The following CTNNA3 variants were observed in gnomAD, a reference collection of about 807,000 sequenced individuals.
CTNNA3 encodes the protein catenin alpha-3.
CTNNA3 carries 76 observed loss-of-function variants against 95.7 expected under a neutral mutation model. The ratio of observed to expected loss-of-function variants is 0.79; its 90% CI spans 0.66 to 0.96. The LOEUF (loss-of-function observed/expected upper bound fraction) is 0.96. Among genes scored for constraint, CTNNA3 ranks in the 40% least tolerant of loss-of-function variants. The probability of loss-of-function intolerance (pLI) is 0.00; values close to 1 mark genes in which losing one functional copy is unlikely to be tolerated. For missense variants in CTNNA3, 1,191 were observed against 1,089.8 expected (o/e 1.09, Z -1.31); for synonymous variants, 431 against 374.4 (o/e 1.15, Z -1.74).
At chr10:67,690,212 G>A (rs2133585874) in intron 1 of CTNNA3, among the ~76,000 whole-genome samples, 1 of 152,298 alleles carries the variant, frequency 6.6e-6, no homozygotes, top group South Asian at 2.1e-4. Context: ...CACGTCTGGA[G>A]TTGTTTGTTC....
chr10:67,569,531 GTC>G (rs1442379212), intron 3 of CTNNA3, among the ~76,000 whole-genome samples: 1 of 152,164 alleles, frequency 6.6e-6, no homozygotes, highest in Admixed American at 6.6e-5. Context: ...CTGGTAAAGA[GTC>G]TGAAATCAGA....
chr10:65,925,626 G>A (rs184458826), intron 17 of CTNNA3, among the ~76,000 whole-genome samples: 357 of 152,074 alleles, frequency 2.3e-3, no homozygotes, highest in African/African-American at 7.8e-3. Context: ...TAGTAGAGAC[G>A]GGTTTTCACC....
intron 1 of CTNNA3, among the ~76,000 whole-genome samples, chr10:67,726,114 T>C (rs1432274516): frequency 8.6e-6 from 1 of 116,506 alleles, no homozygotes; most frequent in Non-Finnish European, 1.6e-5. Flanking sequence ...TAAGATTATA[T>C]ATTATTATAT....
At chr10:67,084,237 C>A (rs1857191001) in intron 7 of CTNNA3, among the ~76,000 whole-genome samples, 1 of 151,222 alleles carries the variant, frequency 6.6e-6, no homozygotes, top group Middle Eastern at 3.4e-3. Flanking sequence ...CTTGAGTTAT[C>A]CTCAAATGGT....
At chr10:66,030,699 G>A (rs954920065) in intron 15 of CTNNA3, among the ~76,000 whole-genome samples, 6 of 151,974 alleles carry the variant, frequency 3.9e-5, no homozygotes, top group African/African-American at 1.4e-4. Context: ...AAATAAAAAT[G>A]GTCAAGTGGA....
At chr10:67,208,593 C>T (rs1382799076) in intron 6 of CTNNA3, among the ~76,000 whole-genome samples, 4 of 152,144 alleles carry the variant, frequency 2.6e-5, no homozygotes, top group Non-Finnish European at 5.9e-5. Flanking sequence ...CCACAAGACT[C>T]ATCCAGACAG....
intron 7 of CTNNA3, chr10:66,926,013 A>T (rs2132617517): frequency 2.2e-6 from 1 of 456,800 alleles, no homozygotes; most frequent in Non-Finnish European, 4.4e-6. Context: ...TTTACATAAG[A>T]CTGCATTCAC....
At chr10:67,531,908 G>A (rs1476984021) in intron 4 of CTNNA3, among the ~76,000 whole-genome samples, 2 of 152,066 alleles carry the variant, frequency 1.3e-5, no homozygotes, top group East Asian at 1.9e-4. Flanking sequence ...CAGGAGATCT[G>A]ATGGTTTTAA....
At chr10:66,164,854 A>G (rs909276631) in intron 13 of CTNNA3, among the ~76,000 whole-genome samples, 5 of 152,188 alleles carry the variant, frequency 3.3e-5, no homozygotes, top group African/African-American at 9.7e-5. Flanking sequence ...ATGAAATTGT[A>G]TCATTTTAGA....
intron 15 of CTNNA3, among the ~76,000 whole-genome samples, chr10:66,033,507 T>C (rs1286688392): frequency 6.6e-6 from 1 of 152,094 alleles, no homozygotes; most frequent in Non-Finnish European, 1.5e-5. Flanking sequence ...CTTGTGTGCA[T>C]GTATGCATAC....
chr10:66,961,696 C>T (rs1849116557), intron 7 of CTNNA3, among the ~76,000 whole-genome samples: 1 of 152,044 alleles, frequency 6.6e-6, no homozygotes, highest in Admixed American at 6.6e-5. Context: ...TTTGTATATC[C>T]TATTATCTAT....
intron 15 of CTNNA3, among the ~76,000 whole-genome samples, chr10:66,008,971 G>A (rs990001287): frequency 3.3e-5 from 5 of 152,098 alleles, no homozygotes; most frequent in Admixed American, 2.0e-4. Flanking sequence ...GTAGTGGCAC[G>A]CACCTGTAAT....
chr10:67,752,243 C>T (rs1306498053), intron 1 of CTNNA3, among the ~76,000 whole-genome samples: 26 of 152,222 alleles, frequency 1.7e-4, no homozygotes, highest in African/African-American at 4.3e-4. Context: ...TCTCAACAGA[C>T]GCAGAAAAGG....
intron 12 of CTNNA3, among the ~76,000 whole-genome samples, chr10:66,359,617 T>C (rs999852897): frequency 6.6e-6 from 1 of 152,174 alleles, no homozygotes; most frequent in Admixed American, 6.5e-5. Flanking sequence ...AGGAGATACA[T>C]GCATACCTCT....
intron 1 of CTNNA3, among the ~76,000 whole-genome samples, chr10:67,695,529 T>C (rs553937881): frequency 6.6e-6 from 1 of 152,372 alleles, no homozygotes. Flanking sequence ...AAATAGACAT[T>C]AAATTCAGAA....
chr10:66,972,509 G>A (rs1463934647), intron 7 of CTNNA3, among the ~76,000 whole-genome samples: 1 of 151,656 alleles, frequency 6.6e-6, no homozygotes, highest in Non-Finnish European at 1.5e-5. Flanking sequence ...CTGCATAAAT[G>A]GTATTTTTGG....
chr10:66,602,009 A>C (rs1165754444), intron 10 of CTNNA3, among the ~76,000 whole-genome samples: 1 of 151,964 alleles, frequency 6.6e-6, no homozygotes, highest in African/African-American at 2.4e-5. Context: ...CAGTTATGAC[A>C]CATAAAATGA....
At chr10:66,523,457 A>C (rs1589373499) in intron 10 of CTNNA3, among the ~76,000 whole-genome samples, 1 of 152,198 alleles carries the variant, frequency 6.6e-6, no homozygotes, top group South Asian at 2.1e-4. Flanking sequence ...AATTCAGAAG[A>C]ATTCTTCTAA....
At chr10:67,745,307 C>T (rs779723700) in intron 1 of CTNNA3, among the ~76,000 whole-genome samples, 1 of 152,046 alleles carries the variant, frequency 6.6e-6, no homozygotes, top group African/African-American at 2.4e-5. Flanking sequence ...GGCACATATA[C>T]ACCATGGAAT....
Sources: gnomAD v4.1 joint callset for allele counts (sites outside exome capture counted in the v4.1 genomes callset) on GRCh38, gnomAD v4.1.1 for gene constraint, MANE v1.5 for transcripts, NCBI Gene and HGNC (gene_info 2026-07-23, HGNC 2026-07-21) for gene names.